The following CDH23 variants were observed in gnomAD, a reference collection of about 807,000 sequenced individuals.
The protein encoded by CDH23 is cadherin related 23.
In CDH23, 189 loss-of-function variants were observed where a neutral mutation model predicts 317.1. The ratio of observed to expected loss-of-function variants is 0.60; its 90% CI spans 0.53 to 0.67. CDH23 has a LOEUF of 0.67. CDH23 is among the 30% of genes least tolerant of loss of function. The probability of loss-of-function intolerance (pLI) is 0.00; values close to 1 mark genes in which losing one functional copy is unlikely to be tolerated. For synonymous variants in CDH23, 1,839 were observed against 1,876.8 expected (o/e 0.98, Z 0.52); for missense variants, 4,401 against 4,592.4 (o/e 0.96, Z 1.20).
At chr10:71,565,410 G>A (rs1442930906) in intron 6 of CDH23, among the ~76,000 whole-genome samples, 1 of 152,102 alleles carries the variant, frequency 6.6e-6, no homozygotes, top group Non-Finnish European at 1.5e-5. Flanking sequence ...TTCCTGCTCT[G>A]GGAGCTCCTA....
Position 71,694,228 on chromosome 10 carries a change from T to TACAC in CDH23, c.2258_2259insACAC (p.Gly754HisfsTer21). On this transcript the variant is annotated frameshift_variant, in exon 21 of 70. Coordinates refer to ENST00000224721, the MANE Select transcript of CDH23 (RefSeq NM_022124.6). LOFTEE classifies it high-confidence loss of function. ...ATCGTTCGCGCAGTGGACGGGGGTG[T>TACAC]GGGCCACAACCAGAAAACTGGCATC... 6.2e-7 allele frequency: 1 copy of TACAC among 1,613,032 alleles called. No individual in the cohort carries two copies. Among genetic ancestry groups the TACAC allele is most frequent in the Non-Finnish European group, 8.5e-7 (1 of 1,179,572 alleles).
chr10:71,804,908 C>T (rs1841666030), intron 55 of CDH23, among the ~76,000 whole-genome samples: 1 of 152,076 alleles, frequency 6.6e-6, no homozygotes, highest in South Asian at 2.1e-4. Flanking sequence ...TTTTTCACAC[C>T]AAAAGCCCCA....
chr10:71,808,283 C>G (rs954277685), intron 60 of CDH23, among the ~76,000 whole-genome samples: 1 of 152,238 alleles, frequency 6.6e-6, no homozygotes, highest in Non-Finnish European at 1.5e-5. Flanking sequence ...TGTATCCACA[C>G]TTCTGGCTGT....
chr10:71,718,918 AG>A, intron 28 of CDH23, among the ~76,000 whole-genome samples: 1 of 151,910 alleles, frequency 6.6e-6, no homozygotes, highest in East Asian at 1.9e-4. Context: ...AAAAAAAAAA[AG>A]GTTTTTTAAT....
chr10:71,790,477 G>C lies in CDH23; in HGVS notation c.6049+64G>C, dbSNP rs1378501744. The C allele has an allele frequency of 2.5e-6, 4 of 1,578,824 alleles. No homozygotes were observed. In the African/African-American group the frequency reaches 5.4e-5, roughly 21 times the overall value. On this transcript the variant is annotated intron_variant, in intron 46 of 69. Coordinates refer to ENST00000224721, the MANE Select transcript of CDH23 (RefSeq NM_022124.6). ...CTGGGGTGGGGATGGCCACACTGCT[G>C]GATTGAGGGCCTCCCTTCTCAGTGC...
intron 11 of CDH23, among the ~76,000 whole-genome samples, chr10:71,620,836 C>A (rs977612363): frequency 2.0e-5 from 3 of 152,262 alleles, no homozygotes; most frequent in Non-Finnish European, 4.4e-5. Context: ...CAAACCATCC[C>A]TCATGTGGCA....
At chr10:71,799,409 C>T (rs1034640340) in intron 51 of CDH23, 83 bp from the exon 52 acceptor site, 2 of 1,603,952 alleles carry the variant, frequency 1.2e-6, no homozygotes, top group African/African-American at 2.7e-5. Context: ...CAGCTTGATG[C>T]CTGCATCAGT....
intron 30 of CDH23, 57 bp from the exon 31 acceptor site, chr10:71,730,412 T>A (rs1839330985): frequency 6.3e-7 from 1 of 1,593,002 alleles, no homozygotes; most frequent in Admixed American, 1.7e-5. Context: ...GGCCAAGCCC[T>A]GGGCTTCCCA....
chr10:71,515,394 T>TCTCTCTCTCTCTCTCTCTCTCTCTCACA (rs1491490493), intron 6 of CDH23, among the ~76,000 whole-genome samples: 3 of 26,694 alleles, frequency 1.1e-4, no homozygotes, highest in African/African-American at 2.5e-4. Context: ...TCTCTCTCTC[T>TCTCTCTCTCTCTCTCTCTCTCTCTCACA]CACACACACA....
chr10:71,738,790 G>A (rs1839651856), intron 35 of CDH23, 143 bp downstream of exon 35: 1 of 1,131,114 alleles, frequency 8.8e-7, no homozygotes, highest in Non-Finnish European at 1.2e-6. Context: ...CCCAGTCTGT[G>A]GTCAGGGAGA....
At position 71,807,882 on chromosome 10, in the gene CDH23, T is replaced by C. The variant is rs1189383518; in HGVS notation, c.8597T>C (p.Ile2866Thr). Residue 2866 changes from isoleucine to threonine, a missense_variant, in exon 60 of 70, where the codon ATC (isoleucine) becomes ACC (threonine). Coordinates refer to ENST00000224721, the MANE Select transcript of CDH23 (RefSeq NM_022124.6). ...GACGCCAAGGTGGGCTCAGAGTTGA[T>C]CCAGGTGCTGGCCCTGGATGCAGAC... ...ATDAKVGSEL[I>T]QVLALDADIG... is the part of the protein sequence containing the mutation. The C allele has an allele frequency of 6.2e-7, 1 of 1,604,160 alleles. No homozygotes were observed. Among genetic ancestry groups the C allele is most frequent in the Admixed American group, 1.7e-5 (1 of 58,518 alleles).
At chr10:71,480,663 G>A (rs1852020534) in intron 3 of CDH23, among the ~76,000 whole-genome samples, 1 of 152,218 alleles carries the variant, frequency 6.6e-6, no homozygotes, top group African/African-American at 2.4e-5. Flanking sequence ...CACGACCTGT[G>A]AGCCAGGAGC....
At position 71,721,727 on chromosome 10, in the gene CDH23, G is replaced by A. The variant is rs182092842; in HGVS notation, c.3370-2318G>A. Among the ~76,000 whole-genome samples the A allele has an allele frequency of 5.1e-4, 78 of 152,258 alleles. 1 individual carries two copies. The East Asian group carries it at 0.014, about 27-fold the overall frequency. On this transcript the variant is annotated intron_variant, in intron 28 of 69. Transcript: ENST00000224721. ...GCGCCTGCTACAGGCTCCTCGCTCT[G>A]CCTTCATACCACCATGTCTATACTC... is the stretch of plus-strand genomic sequence containing the variant.
intron 62 of CDH23, among the ~76,000 whole-genome samples, chr10:71,810,912 C>T (rs901779957): frequency 1.9e-4 from 29 of 152,002 alleles, no homozygotes; most frequent in African/African-American, 7.0e-4. Context: ...GAAACCTCGT[C>T]TCTACTAAAA....
At chr10:71,505,670 G>A (rs762649946) in intron 3 of CDH23, among the ~76,000 whole-genome samples, 37 of 152,124 alleles carry the variant, frequency 2.4e-4, no homozygotes, top group Non-Finnish European at 4.6e-4. Context: ...CGTCTGCTGC[G>A]GAGACCCAGC....
chr10:71,519,218 GA>G (rs1340323453), intron 6 of CDH23, among the ~76,000 whole-genome samples: 3 of 152,100 alleles, frequency 2.0e-5, no homozygotes, highest in Non-Finnish European at 4.4e-5. Flanking sequence ...GCACTCACCG[GA>G]ACACCTTTTA....
intron 6 of CDH23, among the ~76,000 whole-genome samples, chr10:71,548,660 A>G (rs915700964): frequency 6.6e-6 from 1 of 152,240 alleles, no homozygotes; most frequent in Non-Finnish European, 1.5e-5. Context: ...GGAAAAAGGA[A>G]GTAGTACAGT....
At chr10:71,805,616 A>AG (rs1841689465) in intron 55 of CDH23, among the ~76,000 whole-genome samples, 190 bp from the exon 56 acceptor site, 1 of 152,188 alleles carries the variant, frequency 6.6e-6, no homozygotes, top group African/African-American at 2.4e-5. Flanking sequence ...GGAGGAGAGA[A>AG]GAGGGACAAC....
intron 42 of CDH23, 52 bp downstream of exon 42, chr10:71,784,472 C>T: frequency 6.3e-7 from 1 of 1,582,504 alleles, no homozygotes; most frequent in Non-Finnish European, 8.6e-7. Flanking sequence ...CCTGTACTTG[C>T]CACAGAGATT....
Sources: gnomAD v4.1 joint callset for allele counts (sites outside exome capture counted in the v4.1 genomes callset) on GRCh38, gnomAD v4.1.1 for gene constraint, MANE v1.5 for transcripts, NCBI Gene and HGNC (gene_info 2026-07-23, HGNC 2026-07-21) for gene names.